The following USP4 variants were observed in gnomAD, a reference collection of about 807,000 sequenced individuals.
USP4 encodes ubiquitin specific peptidase 4.
In USP4, 72 loss-of-function variants were observed where a neutral mutation model predicts 118.2. The ratio of observed to expected loss-of-function variants is 0.61; its 90% CI spans 0.50 to 0.74. The LOEUF is 0.74. Among genes scored for constraint, USP4 ranks in the 30% least tolerant of loss-of-function variants. The pLI, the probability that USP4 is intolerant of heterozygous loss-of-function variation, is 0.00. For synonymous variants in USP4, 415 were observed against 440.4 expected (o/e 0.94, Z 0.72); for missense variants, 1,037 against 1,185.7 (o/e 0.87, Z 1.84).
chr3:49,304,762 T>C (rs942618790), intron 9 of USP4, among the ~76,000 whole-genome samples: 19 of 151,512 alleles, frequency 1.3e-4, no homozygotes. Flanking sequence ...AATTTTGTTG[T>C]TGTTGTTGTT....
chr3:49,281,531 CATAT>C (rs1374032719), intron 19 of USP4, among the ~76,000 whole-genome samples: 1 of 135,404 alleles, frequency 7.4e-6, no homozygotes, highest in Admixed American at 7.9e-5. Flanking sequence ...CACACACACA[CATAT>C]ATACATTTAT....
chr3:49,303,516 T>C lies in USP4; in HGVS notation c.1129-974A>G, dbSNP rs1003302810. Reference sequence around the variant, plus strand: ...TCTAATACCATAGCCACTAGCCACATATGGCAATTGAAATTTACATTAATT... The same window carrying C: ...TCTAATACCATAGCCACTAGCCACACATGGCAATTGAAATTTACATTAATT... On this transcript the variant is annotated intron_variant, in intron 9 of 21. Coordinates refer to ENST00000265560, the MANE Select transcript of USP4 (RefSeq NM_003363.4). Among the ~76,000 whole-genome samples, 6 of 145,818 alleles carry C rather than the reference T, an allele frequency of 4.1e-5. No homozygotes were observed. The Middle Eastern group carries it at 0.019, about 453-fold the overall frequency.
chr3:49,311,570 A>G lies in USP4; in HGVS notation c.780T>C (p.Ile260=). ...AGGTGCTAGTGCTATCACCATTTGCAATGAGAGAGGCAGACACTGAGGAAT... is the reference window on the plus strand; with the variant it reads ...AGGTGCTAGTGCTATCACCATTTGCGATGAGAGAGGCAGACACTGAGGAAT... ...SPYSSVSASL[I]ANGDSTSTCG... The change falls in exon 7 of 22, where the codon ATT becomes ATC. Residue 260 remains isoleucine, a synonymous_variant. Coordinates refer to ENST00000265560, the MANE Select transcript of USP4 (RefSeq NM_003363.4). 2 of 1,614,030 alleles carry G rather than the reference A, an allele frequency of 1.2e-6. No individual in the cohort carries two copies. The highest frequency in any genetic ancestry group is 1.7e-6 in the Non-Finnish European group (2 of 1,179,930).
In USP4 at chr3:49,302,364, A is replaced by G. The variant is rs2047270562; in HGVS notation, c.1287+20T>C. The G allele has an allele frequency of 1.9e-6, 3 of 1,610,546 alleles. No individual in the cohort carries two copies. The highest frequency in any genetic ancestry group is 1.7e-6 in the Non-Finnish European group (2 of 1,178,380). The stretch of plus-strand genomic sequence containing the variant: ...CAGCTTCTTTGGCATATTATCATTC[A>G]GACATCATTAATGGCATACCGCATC... On this transcript the variant is annotated intron_variant, in intron 10 of 21. Transcript: ENST00000265560.
intron 15 of USP4, 100 bp from the exon 16 acceptor site, chr3:49,286,425 G>A: frequency 4.1e-6 from 5 of 1,216,648 alleles, no homozygotes; most frequent in Non-Finnish European, 5.7e-6. Flanking sequence ...TCCAGATTTT[G>A]TTCTGTGTAT....
chr3:49,283,210 T>A (rs1449958260), intron 19 of USP4, among the ~76,000 whole-genome samples: 6 of 150,194 alleles, frequency 4.0e-5, no homozygotes, highest in Admixed American at 6.7e-5. Context: ...GAGATGGGGT[T>A]TCACCATGTT....
chr3:49,298,729 C>A, intron 11 of USP4, 94 bp from the exon 12 acceptor site: 1 of 1,081,914 alleles, frequency 9.2e-7, no homozygotes, highest in Admixed American at 1.7e-5. Context: ...CAGAGGAGCC[C>A]TTCTAGAAAC....
chr3:49,284,562 A>G lies in USP4; in HGVS notation c.2294T>C (p.Met765Thr). Residue 765 changes from methionine to threonine, a missense_variant, in exon 18 of 22, where the codon ATG (methionine) becomes ACG (threonine). Around this residue, in one of 3 missense-constraint regions of USP4, gnomAD observed 522 missense variants for 592.6 expected, o/e 0.88. Transcript: ENST00000265560. ...ESEAYEKHVS[M>T]LQPQKKKKTT... ...CTTCTTCTTCTTCTGAGGCTGCAAC[A>G]TGCTCACATGCTTCTCGTAGGCCTA... 3 of 1,614,038 alleles carry G rather than the reference A, an allele frequency of 1.9e-6. No individual in the cohort carries two copies. The highest frequency in any genetic ancestry group is 2.5e-6 in the Non-Finnish European group (3 of 1,180,006).
chr3:49,320,637 C>G (rs2047489505), intron 6 of USP4, among the ~76,000 whole-genome samples: 1 of 152,162 alleles, frequency 6.6e-6, no homozygotes, highest in African/African-American at 2.4e-5. Flanking sequence ...AAAGTCTGAT[C>G]TGAGAGTTTG....
chr3:49,278,495 T>G, intron 21 of USP4, 44 bp from the exon 22 acceptor site: 1 of 1,590,736 alleles, frequency 6.3e-7, no homozygotes. Flanking sequence ...CTTGGAAAAA[T>G]CACCCATTTT....
Position 49,339,928 on chromosome 3 carries a change from G to A in USP4, c.97C>T (p.Gln33Ter), listed in dbSNP as rs145027253. 6.2e-5 allele frequency: 100 copies of A among 1,612,144 alleles called. No homozygotes were observed. Among genetic ancestry groups the A allele is most frequent in the Non-Finnish European group, 8.4e-5 (99 of 1,179,424 alleles). ...AAGAGCGAGCCGGGAGCTCACCACT[G>A]CGCCCCGCGTTGGAGTGTGGTCCTC... ...LMRTTLQRGA[Q>*]WYLIDSRWFK... The change falls in exon 1 of 22, where the codon CAG (glutamine) becomes TAG (stop). Residue 33 changes from glutamine to a stop codon, truncating the protein, a stop_gained. Coordinates refer to ENST00000265560, the MANE Select transcript of USP4 (RefSeq NM_003363.4). LOFTEE classifies it high-confidence loss of function.
Position 49,296,285 on chromosome 3 carries a change from A to G in USP4, c.1691+1585T>C, listed in dbSNP as rs182004620. On this transcript the variant is annotated intron_variant, in intron 13 of 21. Coordinates refer to ENST00000265560, the MANE Select transcript of USP4 (RefSeq NM_003363.4). Reference sequence around the variant, plus strand: ...GGAGCTTGCAGTGAGCCACGATCACACCATTGTACTCCAGCCTGGGTGACA... The same window carrying G: ...GGAGCTTGCAGTGAGCCACGATCACGCCATTGTACTCCAGCCTGGGTGACA... 4.6e-3 allele frequency among the ~76,000 whole-genome samples: 693 copies of G among 149,246 alleles called. 7 individuals are homozygous for G. The highest frequency in any genetic ancestry group is 0.015 in the African/African-American group (624 of 40,488).
intron 12 of USP4, 30 bp downstream of exon 12, chr3:49,298,522 G>C (rs1321925467): frequency 6.8e-6 from 11 of 1,608,446 alleles, no homozygotes; most frequent in Non-Finnish European, 9.4e-6. Flanking sequence ...ATCCCAAATA[G>C]ACCGAGTGCC....
chr3:49,284,997 G>A (rs1345535641), intron 16 of USP4, 78 bp from the exon 17 acceptor site: 11 of 1,134,564 alleles, frequency 9.7e-6, no homozygotes, highest in African/African-American at 1.5e-5. Context: ...GAGTGAGAAG[G>A]ACCACACTCA....
chr3:49,287,369 T>C (rs936779230), intron 15 of USP4, among the ~76,000 whole-genome samples: 43 of 152,018 alleles, frequency 2.8e-4, no homozygotes, highest in African/African-American at 9.9e-4. Context: ...TTCACCAGGA[T>C]GGTCTCTAGC....
chr3:49,292,653 T>C, intron 14 of USP4, 55 bp from the exon 15 acceptor site: 1 of 1,279,504 alleles, frequency 7.8e-7, no homozygotes, highest in East Asian at 2.6e-5. Flanking sequence ...AACATTTATC[T>C]ATTTTTTCCA....
chr3:49,327,940 CA>C, intron 2 of USP4, 124 bp from the exon 3 acceptor site: 1 of 926,714 alleles, frequency 1.1e-6, no homozygotes, highest in Non-Finnish European at 1.6e-6. Flanking sequence ...AATGAAATTC[CA>C]AAATTCTGTC....
intron 10 of USP4, 124 bp from the exon 11 acceptor site, chr3:49,300,815 C>G: frequency 2.4e-6 from 2 of 834,678 alleles, no homozygotes; most frequent in South Asian, 3.4e-5. Context: ...AGAGCTTGAT[C>G]CAGGACAAAC....
chr3:49,295,704 G>GCGCGCA (rs1553623999), intron 13 of USP4, among the ~76,000 whole-genome samples: 70 of 139,242 alleles, frequency 5.0e-4, no homozygotes, highest in African/African-American at 2.2e-3. Flanking sequence ...GCACGTGTGC[G>GCGCGCA]CGCGCGCGCG....
Sources: gnomAD v4.1 joint callset for allele counts (sites outside exome capture counted in the v4.1 genomes callset) on GRCh38, gnomAD v4.1.1 for gene constraint, gnomAD v4.1.1 regional missense constraint, MANE v1.5 for transcripts, NCBI Gene and HGNC (gene_info 2026-07-23, HGNC 2026-07-21) for gene names.